The following MICAL2 variants were observed in gnomAD, a reference collection of about 807,000 sequenced individuals.
MICAL2 encodes the protein [F-actin]-monooxygenase MICAL2.
In MICAL2, 77 loss-of-function variants were observed where a neutral mutation model predicts 127.3. The observed-to-expected ratio is 0.60, with a 90% CI of 0.50 to 0.73. The LOEUF (loss-of-function observed/expected upper bound fraction) is 0.73, where lower values mean the gene tolerates loss of function less well. Ranked by LOEUF, MICAL2 falls within the 30% of genes least tolerant of loss-of-function variation. The pLI is 0.00. For synonymous variants in MICAL2, 570 were observed against 551.1 expected (o/e 1.03, Z -0.48); for missense variants, 1,351 against 1,434.4 (o/e 0.94, Z 0.94).
At chr11:12,177,084 T>C (rs1856924271) in intron 3 of MICAL2, among the ~76,000 whole-genome samples, 1 of 152,234 alleles carries the variant, frequency 6.6e-6, no homozygotes, top group Admixed American at 6.5e-5. Context: ...AACTGTCCTA[T>C]TGTTTTCAAG....
At chr11:12,243,870 G>A (rs929647368) in intron 20 of MICAL2, 117 bp from the exon 21 acceptor site, 25 of 1,244,976 alleles carry the variant, frequency 2.0e-5, no homozygotes, top group Non-Finnish European at 2.9e-5. Flanking sequence ...CCTGAGACAT[G>A]GGTCTCCTTT....
At chr11:12,203,001 G>C (rs114545332) in intron 3 of MICAL2, among the ~76,000 whole-genome samples, 24 of 152,206 alleles carry the variant, frequency 1.6e-4, no homozygotes, top group African/African-American at 5.5e-4. Context: ...GCCTATTCTG[G>C]ACATTTCATA....
intron 23 of MICAL2, 136 bp from the exon 24 acceptor site, chr11:12,256,649 G>A (rs1862363841): frequency 3.8e-6 from 3 of 783,648 alleles, no homozygotes; most frequent in Admixed American, 5.9e-5. Flanking sequence ...CTCCCTCTTT[G>A]CTGCAGTGGC....
At chr11:12,215,857 A>G (rs1856078872) in intron 7 of MICAL2, among the ~76,000 whole-genome samples, 1 of 152,178 alleles carries the variant, frequency 6.6e-6, no homozygotes, top group Non-Finnish European at 1.5e-5. Context: ...CAGGACTTGG[A>G]GCTAGATGGG....
intron 34 of MICAL2, chr11:12,354,878 G>T: frequency 6.2e-7 from 1 of 1,608,994 alleles, no homozygotes; most frequent in South Asian, 1.1e-5. Context: ...TTGGGCCTTT[G>T]TTGAGAACTT....
chr11:12,178,112 A>G (rs543872025), intron 3 of MICAL2, among the ~76,000 whole-genome samples: 2 of 152,342 alleles, frequency 1.3e-5, no homozygotes, highest in South Asian at 2.1e-4. Context: ...TCGCTCATCA[A>G]TGGCCAATGA....
At chr11:12,332,225 C>T (rs1938651069) in intron 32 of MICAL2, among the ~76,000 whole-genome samples, 1 of 152,144 alleles carries the variant, frequency 6.6e-6, no homozygotes, top group African/African-American at 2.4e-5. Context: ...ACTATTTGTT[C>T]TCAAAAGGTA....
chr11:12,160,123 G>T (rs1252626622), intron 2 of MICAL2, among the ~76,000 whole-genome samples: 1 of 152,126 alleles, frequency 6.6e-6, no homozygotes, highest in Non-Finnish European at 1.5e-5. Flanking sequence ...CGGGAAAGAG[G>T]GAAGGTCGGG....
At chr11:12,159,205 G>T (rs1023917931) in intron 2 of MICAL2, among the ~76,000 whole-genome samples, 2 of 152,296 alleles carry the variant, frequency 1.3e-5, no homozygotes, top group South Asian at 4.1e-4. Flanking sequence ...AGACGAAGTT[G>T]TTCATTCTTC....
rs1330609571 is a variant in MICAL2 at position 12,262,544 on chromosome 11, G to T, written c.*17+7G>T. ...GACACACTTCTGCTCTAAGGTGACT[G>T]GTTTTCTTGCCAATTTTCAAAGAGT... On this transcript the variant is annotated splice_region_variant and intron_variant, in intron 27 of 27. Coordinates refer to ENST00000683283, the MANE Select transcript of MICAL2 (RefSeq NM_001282663.2). The T allele has an allele frequency of 1.9e-6, 3 of 1,609,302 alleles. No homozygotes were observed. The highest frequency in any genetic ancestry group is 2.6e-6 in the Non-Finnish European group (3 of 1,175,866).
At chr11:12,220,482 C>T (rs745938195) in intron 9 of MICAL2, 24 bp downstream of exon 9, 11 of 1,601,050 alleles carry the variant, frequency 6.9e-6, no homozygotes, top group Middle Eastern at 2.1e-4. Flanking sequence ...TCGGAGCCCC[C>T]ATGTTTCTCT....
intron 30 of MICAL2, among the ~76,000 whole-genome samples, chr11:12,323,633 T>C (rs1864324787): frequency 6.6e-6 from 1 of 152,174 alleles, no homozygotes; most frequent in Non-Finnish European, 1.5e-5. Flanking sequence ...TCCCTCCCAA[T>C]ACACACATAG....
downstream of MICAL2, among the ~76,000 whole-genome samples, chr11:12,361,048 AAC>A (rs571948583): frequency 3.3e-5 from 5 of 152,340 alleles, no homozygotes; most frequent in Middle Eastern, 3.4e-3. Flanking sequence ...TTATGATGAA[AAC>A]ACACAGAGTC....
intron 1 of MICAL2, among the ~76,000 whole-genome samples, chr11:12,131,452 A>C: frequency 6.6e-6 from 1 of 152,120 alleles, no homozygotes; most frequent in East Asian, 1.9e-4. Context: ...CCTGGCCCCA[A>C]TTCTTTGCTT....
chr11:12,179,956 A>G (rs1427601023), intron 3 of MICAL2, among the ~76,000 whole-genome samples: 2 of 152,196 alleles, frequency 1.3e-5, no homozygotes, highest in Non-Finnish European at 2.9e-5. Context: ...ACTTCTCATG[A>G]AAATCAATAT....
rs963458861 is a variant in MICAL2 at position 12,312,528 on chromosome 11, A to G, written c.5213-7168A>G. On this transcript the variant is annotated intron_variant, in intron 29 of 34. Transcript: ENST00000646065. ...ATTACTTAATTTTGTCAAGTCCAAG[A>G]GAAAACTTCCCCCTCACCCTCTGAA... Among the ~76,000 whole-genome samples, 15 of 152,142 alleles carry G rather than the reference A, an allele frequency of 9.9e-5. 1 individual carries two copies. The highest frequency in any genetic ancestry group is 2.6e-4 in the Admixed American group (4 of 15,272).
At position 12,303,510 on chromosome 11, in the gene MICAL2, C is replaced by T. The variant is rs533565003; in HGVS notation, c.5212+8653C>T. 16 of 152,248 alleles carry T rather than the reference C, an allele frequency of 1.1e-4. No individual in the cohort carries two copies. The South Asian group carries it at 3.1e-3, about 30-fold the overall frequency. The allele number at this position is 152,248 out of a possible 1,614,324, so 9.4% of individuals were successfully genotyped here. ...TTCACTTTAACCATTAAAAATGTAT[C>T]ATCTGAACAGAGACATACTATATGT... On this transcript the variant is annotated intron_variant, in intron 29 of 34. Coordinates refer to the MICAL2 transcript ENST00000646065.
chr11:12,203,989 T>C (rs1854349089), intron 3 of MICAL2, among the ~76,000 whole-genome samples: 2 of 152,226 alleles, frequency 1.3e-5, no homozygotes, highest in African/African-American at 2.4e-5. Flanking sequence ...CTGAAGTTCA[T>C]GTGCATCTTA....
intron 2 of MICAL2, among the ~76,000 whole-genome samples, chr11:12,155,034 A>T (rs1854003404): frequency 6.6e-6 from 1 of 152,318 alleles, no homozygotes; most frequent in Admixed American, 6.5e-5. Context: ...GAAATGAGAC[A>T]GGATGGTAAA....
Sources: allele counts gnomAD v4.1 joint callset (sites outside exome capture counted in the v4.1 genomes callset), GRCh38; gene constraint gnomAD v4.1.1; transcripts MANE v1.5; gene names NCBI Gene and HGNC (gene_info 2026-07-23, HGNC 2026-07-21).